Variants in CSNK1G1 observed in about 807,000 individuals in gnomAD.
CSNK1G1 encodes casein kinase 1 gamma 1.
In CSNK1G1, 22 loss-of-function variants were observed where a neutral mutation model predicts 59.6. That is an observed-to-expected ratio of 0.37 (90% CI 0.26 to 0.53). The LOEUF (loss-of-function observed/expected upper bound fraction) is 0.53. Among genes scored for constraint, CSNK1G1 ranks in the 20% least tolerant of loss-of-function variants. The pLI is 0.89. For missense variants in CSNK1G1, 384 were observed against 519.5 expected, an observed-to-expected ratio of 0.74 and a Z score of 2.54; for synonymous variants, 179 against 177.1, an observed-to-expected ratio of 1.01 and a Z score of -0.08.
At chr15:64,302,835 G>A (rs1895435931) in intron 1 of CSNK1G1, among the ~76,000 whole-genome samples, 1 of 152,012 alleles carries the variant, frequency 6.6e-6, no homozygotes, top group Admixed American at 6.6e-5. Flanking sequence ...CACTACAATA[G>A]CCTCATTTAT....
At chr15:64,245,988 C>T (rs1381441270) in intron 4 of CSNK1G1, among the ~76,000 whole-genome samples, 1 of 152,034 alleles carries the variant, frequency 6.6e-6, no homozygotes, top group African/African-American at 2.4e-5. Flanking sequence ...TGGGTACAAA[C>T]ATACAGTTAG....
rs11301406 is a variant in CSNK1G1 at position 64,353,646 on chromosome 15, CAAAAAAAA to C, written c.-225+2334_-225+2341del. Among the ~76,000 whole-genome samples, 259 of 113,376 alleles carry C rather than the reference CAAAAAAAA, an allele frequency of 2.3e-3. 2 individuals carry two copies. The highest frequency in any genetic ancestry group is 7.9e-3 in the African/African-American group (243 of 30,880). 74.4% of individuals were successfully genotyped at this position (113,376 alleles called of 152,430 possible). A position where few individuals can be genotyped will look rare whatever the true frequency, so the allele number is the denominator to read the frequency against. ...TGGGTGACAGAGTGAGACTCCATTTCAAAAAAAAAAAAAAAAAAGAAAGAAAAAGACTT... is the reference window on the plus strand; with the variant it reads ...TGGGTGACAGAGTGAGACTCCATTTCAAAAAAAAAAGAAAGAAAAAGACTT... On this transcript the variant is annotated intron_variant, in intron 1 of 11. Transcript: ENST00000303052.
intron 10 of CSNK1G1, among the ~76,000 whole-genome samples, chr15:64,199,182 T>C (rs914242886): frequency 2.0e-5 from 3 of 146,980 alleles, no homozygotes; most frequent in Non-Finnish European, 4.5e-5. Context: ...GCCCAGGAAG[T>C]TGAGGCTGCA....
At chr15:64,337,055 C>T (rs1407181309) in intron 1 of CSNK1G1, among the ~76,000 whole-genome samples, 1 of 151,800 alleles carries the variant, frequency 6.6e-6, no homozygotes, top group East Asian at 1.9e-4. Context: ...TGGTGAAACC[C>T]CATCTCTACT....
At chr15:64,281,434 C>T (rs1233457351) in intron 2 of CSNK1G1, among the ~76,000 whole-genome samples, 1 of 151,976 alleles carries the variant, frequency 6.6e-6, no homozygotes, top group Non-Finnish European at 1.5e-5. Flanking sequence ...AGTGAGACTC[C>T]ATCTCTATAA....
At chr15:64,196,090 G>A (rs540002539) in intron 10 of CSNK1G1, among the ~76,000 whole-genome samples, 4 of 151,918 alleles carry the variant, frequency 2.6e-5, no homozygotes, top group African/African-American at 7.2e-5. Context: ...GGTGGCTCAC[G>A]CCCATAGTCC....
At chr15:64,261,711 G>A (rs760638257) in intron 2 of CSNK1G1, among the ~76,000 whole-genome samples, 20 of 152,028 alleles carry the variant, frequency 1.3e-4, no homozygotes, top group African/African-American at 7.2e-5. Context: ...TGGGGAGGGC[G>A]AGGCAGGTGG....
Position 64,354,750 on chromosome 15 carries a change from T to C in CSNK1G1, c.-225+1238A>G, listed in dbSNP as rs118021025. 2.6e-3 allele frequency among the ~76,000 whole-genome samples: 403 copies of C among 152,338 alleles called. 3 individuals are homozygous for C. The highest frequency in any genetic ancestry group is 4.6e-3 in the Admixed American group (71 of 15,300). ...TCCGTTTAAAATGGGATGTTACTTATAATACAGGTAAGAATTTTAACTCAT... is the reference window on the plus strand; with the variant it reads ...TCCGTTTAAAATGGGATGTTACTTACAATACAGGTAAGAATTTTAACTCAT... On this transcript the variant is annotated intron_variant, in intron 1 of 11. Coordinates refer to ENST00000303052, the MANE Select transcript of CSNK1G1 (RefSeq NM_022048.5).
chr15:64,207,535 C>T lies in CSNK1G1; in HGVS notation c.739G>A (p.Gly247Ser), dbSNP rs1362856600. Residue 247 changes from glycine (G) to serine (S), a missense_variant, in exon 7 of 12, where the codon GGC becomes AGC. This residue lies in a region of CSNK1G1 where 325 missense variants were observed against 440.9 expected (regional missense o/e 0.74). Transcript: ENST00000303052. ...LGHMFMYFLRGSLPWQGLKAD... is the reference protein window; with the variant it reads ...LGHMFMYFLRSSLPWQGLKAD... ...TTGAGTCCTTGCCAGGGGAGGCTGC[C>T]TCGAAGGAAATACATGAACATATGG... is the stretch of plus-strand genomic sequence containing the variant. 1 of 1,613,980 alleles carries T rather than the reference C, an allele frequency of 6.2e-7. No individual in the cohort carries two copies. The highest frequency in any genetic ancestry group is 1.6e-4 in the Middle Eastern group (1 of 6,062).
At chr15:64,194,786 G>A (rs55666940) in intron 10 of CSNK1G1, among the ~76,000 whole-genome samples, 6,738 of 152,078 alleles carry the variant, frequency 0.044, 195 homozygotes, top group South Asian at 0.086. Flanking sequence ...AAGTGCAGGT[G>A]TGAGCCACCG....
intron 4 of CSNK1G1, among the ~76,000 whole-genome samples, chr15:64,237,110 G>A (rs2140299238): frequency 6.6e-6 from 1 of 152,232 alleles, no homozygotes; most frequent in South Asian, 2.1e-4. Context: ...ATAGAGAATA[G>A]AAATTTGGAA....
chr15:64,323,947 G>A (rs1896702363), intron 1 of CSNK1G1, among the ~76,000 whole-genome samples: 2 of 152,166 alleles, frequency 1.3e-5, no homozygotes, highest in South Asian at 2.1e-4. Flanking sequence ...TTATGCACCA[G>A]GTACACTTTA....
At chr15:64,253,065 A>G (rs1297933092) in intron 3 of CSNK1G1, among the ~76,000 whole-genome samples, 2 of 151,704 alleles carry the variant, frequency 1.3e-5, no homozygotes, top group Non-Finnish European at 2.9e-5. Flanking sequence ...ATAAAATAGG[A>G]CGGGCATGGT....
At position 64,169,397 on chromosome 15, in the gene CSNK1G1, TA is replaced by T. The variant is rs2081639539; in HGVS notation, c.*2533del. 6.6e-6 allele frequency: 1 copy of T among 152,292 alleles called. No individual in the cohort carries two copies. Among genetic ancestry groups the T allele is most frequent in the Admixed American group, 6.5e-5 (1 of 15,284 alleles). The allele number at this position is 152,292 out of a possible 1,614,324, so 9.4% of individuals were successfully genotyped here. On this transcript the variant is annotated 3_prime_UTR_variant, in exon 12 of 12. Coordinates refer to ENST00000303052, the MANE Select transcript of CSNK1G1 (RefSeq NM_022048.5). ...ACGGGAGCATGCCACCATGCCCAGC[TA>T]ATTTTTGTATTTTTTGTAGAGACGG...
At position 64,216,723 on chromosome 15, in the gene CSNK1G1, G is replaced by A; in HGVS notation, c.293-10C>T. 1 of 1,613,700 alleles carries A rather than the reference G, an allele frequency of 6.2e-7. No homozygotes were observed. The highest frequency in any genetic ancestry group is 8.5e-7 in the Non-Finnish European group (1 of 1,179,620). The stretch of plus-strand genomic sequence containing the variant: ...TGTGGGAGACCTTCACCTGAAAGCA[G>A]AGGGGAAATGGGGGTATACAGTGGG... On this transcript the variant is annotated splice_polypyrimidine_tract_variant and intron_variant, in intron 4 of 11. Transcript: ENST00000303052. This position sits in a 1 kb window ranked among gnomAD's most constrained non-coding sequence, Gnocchi z 4.6.
At chr15:64,256,710 A>G (rs1294676910) in intron 3 of CSNK1G1, among the ~76,000 whole-genome samples, 1 of 152,172 alleles carries the variant, frequency 6.6e-6, no homozygotes, top group Non-Finnish European at 1.5e-5. Context: ...TCATTACACT[A>G]TTTTGTTTAC....
intron 1 of CSNK1G1, among the ~76,000 whole-genome samples, chr15:64,340,857 TGAG>T (rs1409599768): frequency 2.6e-5 from 4 of 152,146 alleles, no homozygotes; most frequent in African/African-American, 9.7e-5. Flanking sequence ...CTTAGGAGGC[TGAG>T]GTGGGAGGAT....
intron 4 of CSNK1G1, among the ~76,000 whole-genome samples, chr15:64,221,524 G>T (rs2082388068): frequency 6.6e-6 from 1 of 151,852 alleles, no homozygotes; most frequent in African/African-American, 2.4e-5. Context: ...GCAGGCTTTG[G>T]GATGCTCAAA....
chr15:64,339,523 A>G (rs7181213), intron 1 of CSNK1G1, among the ~76,000 whole-genome samples: 140,666 of 152,148 alleles, frequency 0.92, 65,727 homozygotes, highest in East Asian at 1. Flanking sequence ...ATGTTGGCCC[A>G]GCTGGTCTCA....
Sources: allele counts gnomAD v4.1 joint callset (sites outside exome capture counted in the v4.1 genomes callset), GRCh38; gene constraint gnomAD v4.1.1; regional missense constraint gnomAD v4.1.1; non-coding constraint Gnocchi (gnomAD v3.1); transcripts MANE v1.5; gene names NCBI Gene and HGNC (gene_info 2026-07-23, HGNC 2026-07-21).